ANKRD13C: variants seen among roughly 807,000 people sequenced by gnomAD.
ANKRD13C encodes the protein ankyrin repeat domain 13C, also known as ankyrin repeat domain-containing protein 13C.
In ANKRD13C, 16 loss-of-function variants were observed where a neutral mutation model predicts 65.5. The ratio of observed to expected loss-of-function variants is 0.24; its 90% CI spans 0.17 to 0.37. The LOEUF (loss-of-function observed/expected upper bound fraction) is 0.37, where lower values mean the gene tolerates loss of function less well. Ranked by LOEUF, ANKRD13C falls within the 10% of genes least tolerant of loss-of-function variation. The pLI is 1.00. For missense variants in ANKRD13C, 503 were observed against 655.9 expected (o/e 0.77, Z 2.55); for synonymous variants, 235 against 238.7 (o/e 0.98, Z 0.14).
chr1:70,295,182 G>C (rs1305639873), intron 8 of ANKRD13C, among the ~76,000 whole-genome samples: 2 of 151,984 alleles, frequency 1.3e-5, no homozygotes, highest in African/African-American at 4.8e-5. Context: ...GTCACTTACT[G>C]TTAAATTTAA....
At chr1:70,267,866 T>C (rs1678700767) in intron 12 of ANKRD13C, among the ~76,000 whole-genome samples, 1 of 152,184 alleles carries the variant, frequency 6.6e-6, no homozygotes, top group Non-Finnish European at 1.5e-5. Context: ...GTCATAATTT[T>C]ACCAACTCAA....
chr1:70,344,755 T>C (rs1299489252), intron 1 of ANKRD13C, among the ~76,000 whole-genome samples: 1 of 152,110 alleles, frequency 6.6e-6, no homozygotes, highest in Admixed American at 6.5e-5. Flanking sequence ...GGACTCCTTT[T>C]ATACTTCTAA....
In ANKRD13C at chr1:70,330,366, T is replaced by A. The variant is rs899419830; in HGVS notation, c.473-5409A>T. 3.9e-5 allele frequency among the ~76,000 whole-genome samples: 6 copies of A among 152,024 alleles called. No individual in the cohort carries two copies. In the East Asian group the frequency reaches 7.8e-4, roughly 20 times the overall value. ...TGAGGTACGGGGTTTGAGACCTGTC[T>A]GGCCAACATGGCAAAACCCTGTCTC... On this transcript the variant is annotated intron_variant, in intron 2 of 12. Coordinates refer to ENST00000370944, the MANE Select transcript of ANKRD13C (RefSeq NM_030816.5).
chr1:70,335,889 G>T (rs1682004411), intron 2 of ANKRD13C, among the ~76,000 whole-genome samples, 169 bp downstream of exon 2: 1 of 150,960 alleles, frequency 6.6e-6, no homozygotes, highest in African/African-American at 2.4e-5. Context: ...TTTTAAAAAG[G>T]GCCATGGAAA....
rs759302083 is a variant in ANKRD13C, at chr1:70,354,057, C to G, written c.352G>C (p.Glu118Gln). The G allele has an allele frequency of 1.9e-6, 3 of 1,602,736 alleles. No individual in the cohort carries two copies. ...CTCACATCCCCCTTGAAGACGCACT[C>G]GTGCACCGGGTAGTGTGCGGGGCAA... ...GSCPAHYPVHECVFKGDVRRL... is the reference protein window; with the variant it reads ...GSCPAHYPVHQCVFKGDVRRL... The change falls in exon 1 of 13, where the codon GAG (glutamate) becomes CAG (glutamine). Residue 118 changes from glutamate (E) to glutamine (Q), a missense_variant. By Grantham distance (29) the Glu-to-Gln change is conservative (BLOSUM62 2). This residue lies in a region of ANKRD13C where 203 missense variants were observed against 177.6 expected (regional missense o/e 1.14). Coordinates refer to ENST00000370944, the MANE Select transcript of ANKRD13C (RefSeq NM_030816.5).
chr1:70,265,123 C>G (rs1280557524), intron 12 of ANKRD13C, among the ~76,000 whole-genome samples: 3 of 152,132 alleles, frequency 2.0e-5, no homozygotes, highest in Admixed American at 1.3e-4. Context: ...AAAAGACCAG[C>G]TTTTATTCTG....
chr1:70,325,950 C>T (rs1681518024), intron 2 of ANKRD13C, among the ~76,000 whole-genome samples: 1 of 150,186 alleles, frequency 6.7e-6, no homozygotes, highest in South Asian at 2.1e-4. Flanking sequence ...CTGAGGCCCA[C>T]GCCGGGCACA....
rs1679154764 is a variant in ANKRD13C, at chr1:70,276,797, T to C, written c.1263A>G (p.Thr421=). 11 of 1,603,518 alleles carry C rather than the reference T, an allele frequency of 6.9e-6. No homozygotes were observed. Among genetic ancestry groups the C allele is most frequent in the Non-Finnish European group, 9.3e-6 (11 of 1,177,478 alleles). The change falls in exon 10 of 13, where the codon ACA becomes ACG. Residue 421 remains threonine, a synonymous_variant. Coordinates refer to ENST00000370944, the MANE Select transcript of ANKRD13C (RefSeq NM_030816.5). ...SLTPPPQNTI[T]WEEYISAENG... ...TTTCAGCAGATATATATTCTTCCCA[T>C]GTAATAGTGTTCTGAGGAGGAGGTG...
At chr1:70,301,750 C>A (rs1239605050) in intron 6 of ANKRD13C, among the ~76,000 whole-genome samples, 2 of 152,304 alleles carry the variant, frequency 1.3e-5, no homozygotes, top group East Asian at 3.9e-4. Flanking sequence ...AACAGTATTC[C>A]ACAAAGCACT....
intron 5 of ANKRD13C, among the ~76,000 whole-genome samples, chr1:70,313,139 C>G (rs887898087): frequency 2.0e-5 from 3 of 152,134 alleles, no homozygotes; most frequent in African/African-American, 2.4e-5. Flanking sequence ...AATTAATTTT[C>G]TTTTCTGAAA....
At chr1:70,267,380 T>G (rs1382731604) in intron 12 of ANKRD13C, among the ~76,000 whole-genome samples, 2 of 152,196 alleles carry the variant, frequency 1.3e-5, no homozygotes, top group Admixed American at 1.3e-4. Flanking sequence ...GTTTTGTTTT[T>G]TTATTGAAAC....
At chr1:70,313,435 G>A (rs374878873) in intron 5 of ANKRD13C, among the ~76,000 whole-genome samples, 320 of 151,826 alleles carry the variant, frequency 2.1e-3, no homozygotes, top group African/African-American at 7.4e-3. Flanking sequence ...GAGGCTGAGC[G>A]GGGAGGACTG....
intron 1 of ANKRD13C, among the ~76,000 whole-genome samples, chr1:70,349,230 C>CT (rs1682647671): frequency 6.6e-6 from 1 of 152,134 alleles, no homozygotes; most frequent in Non-Finnish European, 1.5e-5. Flanking sequence ...TCCTTACACT[C>CT]TGACTATGGA....
In ANKRD13C at chr1:70,276,854, A is replaced by G; in HGVS notation, c.1216-10T>C. 6.3e-7 allele frequency: 1 copy of G among 1,582,834 alleles called. No homozygotes were observed. On this transcript the variant is annotated splice_polypyrimidine_tract_variant and intron_variant, in intron 9 of 12. Transcript: ENST00000370944. Reference sequence around the variant, plus strand: ...ACTGTCTTCGAATCGGCTGCCAAAAAAAAAAAAGAAAGAAAGTGGGGTGGG... The same window carrying G: ...ACTGTCTTCGAATCGGCTGCCAAAAGAAAAAAAGAAAGAAAGTGGGGTGGG...
At position 70,354,609 on chromosome 1, in the gene ANKRD13C, G is replaced by T; in HGVS notation, c.-201C>A. The T allele has an allele frequency of 7.9e-7, 1 of 1,266,932 alleles. No individual in the cohort carries two copies. Among genetic ancestry groups the T allele is most frequent in the Non-Finnish European group, 1.1e-6 (1 of 947,832 alleles). 78.5% of individuals were successfully genotyped at this position (1,266,932 alleles called of 1,614,324 possible). On this transcript the variant is annotated 5_prime_UTR_variant, in exon 1 of 13. Transcript: ENST00000370944. ...CCTAGGCACGAAGGGACGCGCGCTC[G>T]CTGGGGGAAGCTAGAACTCAGGTGC...
chr1:70,265,265 AGAGG>A (rs1356703539), intron 12 of ANKRD13C, among the ~76,000 whole-genome samples: 1 of 152,182 alleles, frequency 6.6e-6, no homozygotes, highest in Non-Finnish European at 1.5e-5. Context: ...GAGCAGCCAG[AGAGG>A]GAGGAAGAAA....
chr1:70,278,795 G>A (rs978085667), intron 9 of ANKRD13C, among the ~76,000 whole-genome samples: 48 of 152,276 alleles, frequency 3.2e-4, no homozygotes, highest in African/African-American at 1.0e-3. Context: ...ATACCTGGTA[G>A]TTGTGTGAAT....
chr1:70,291,156 G>A (rs772517616), intron 9 of ANKRD13C, among the ~76,000 whole-genome samples: 4 of 151,908 alleles, frequency 2.6e-5, no homozygotes, highest in South Asian at 2.1e-4. Flanking sequence ...TCAGCCTTCC[G>A]AGTAGCTGGG....
chr1:70,338,354 CTAACTAA>C (rs917745653), intron 1 of ANKRD13C, among the ~76,000 whole-genome samples: 1 of 152,164 alleles, frequency 6.6e-6, no homozygotes, highest in African/African-American at 2.4e-5. Flanking sequence ...CATCCTACTA[CTAACTAA>C]TATGTTCAGT....
Sources: gnomAD v4.1 joint callset for allele counts (sites outside exome capture counted in the v4.1 genomes callset) on GRCh38, gnomAD v4.1.1 for gene constraint, gnomAD v4.1.1 regional missense constraint, MANE v1.5 for transcripts, NCBI Gene and HGNC (gene_info 2026-07-23, HGNC 2026-07-21) for gene names.